Variants in GOLGA4 observed in about 807,000 individuals in gnomAD.
GOLGA4 encodes golgin A4.
A neutral mutation model predicts 265.9 loss-of-function variants in GOLGA4; 169 were observed. The observed-to-expected ratio is 0.64, with a 90% CI of 0.56 to 0.72. The LOEUF is 0.72. Among genes scored for constraint, GOLGA4 ranks in the 30% least tolerant of loss-of-function variants. The probability of loss-of-function intolerance (pLI) is 0.00; values close to 1 mark genes in which losing one functional copy is unlikely to be tolerated. For missense variants in GOLGA4, 2,482 were observed against 2,483.4 expected (o/e 1.00, Z 0.01); for synonymous variants, 923 against 855.8 (o/e 1.08, Z -1.37).
Position 37,328,632 on chromosome 3 carries a change from A to G in GOLGA4, c.6061+95A>G, listed in dbSNP as rs113881878. On this transcript the variant is annotated intron_variant, in intron 15 of 23. Coordinates refer to ENST00000361924, the MANE Select transcript of GOLGA4 (RefSeq NM_002078.5). ...GCAGTGGTGGTAAGTGCATTAAGTCATTAAACTGGGGAAGAAATAATCCTT... is the reference window on the plus strand; with the variant it reads ...GCAGTGGTGGTAAGTGCATTAAGTCGTTAAACTGGGGAAGAAATAATCCTT... 852 of 1,121,022 alleles carry G rather than the reference A, an allele frequency of 7.6e-4. 5 individuals are homozygous for G. The African/African-American group carries it at 0.012, about 16-fold the overall frequency. The allele number at this position is 1,121,022 out of a possible 1,614,324, so 69.4% of individuals were successfully genotyped here. A position where few individuals can be genotyped will look rare whatever the true frequency, so the allele number is the denominator to read the frequency against.
At chr3:37,273,682 C>G (rs2096805159) in intron 2 of GOLGA4, 2 of 749,310 alleles carry the variant, frequency 2.7e-6, no homozygotes, top group South Asian at 1.5e-5. Context: ...TAGCATCTGA[C>G]TTTACATTGA....
chr3:37,321,795 T>C lies in GOLGA4; in HGVS notation c.1610T>C (p.Leu537Pro), dbSNP rs1578684471. Residue 537 changes from leucine (L) to proline (P), a missense_variant, in exon 13 of 24, where the codon CTA becomes CCA. Leu to Pro is a moderately conservative substitution (Grantham distance 98, BLOSUM62 -3). Transcript: ENST00000361924. Reference protein sequence around the residue: ...QEKEQQESLALEELELQKKAI... With the variant: ...QEKEQQESLAPEELELQKKAI... ...AAAGAACAGCAAGAATCTTTGGCCCTAGAAGAGTTAGAGTTGCAGAAAAAA... is the reference window on the plus strand; with the variant it reads ...AAAGAACAGCAAGAATCTTTGGCCCCAGAAGAGTTAGAGTTGCAGAAAAAA... 2 of 1,612,942 alleles carry C rather than the reference T, an allele frequency of 1.2e-6. No individual in the cohort carries two copies. The highest frequency in any genetic ancestry group is 1.3e-5 in the African/African-American group (1 of 74,990).
chr3:37,279,907 CAA>C (rs745389415), intron 2 of GOLGA4, among the ~76,000 whole-genome samples: 5 of 135,754 alleles, frequency 3.7e-5, no homozygotes, highest in Admixed American at 7.5e-5. Context: ...ACTATTGTCT[CAA>C]AAAAAAAAAA....
intron 21 of GOLGA4, among the ~76,000 whole-genome samples, chr3:37,349,361 A>G (rs1224530891): frequency 6.6e-6 from 1 of 152,184 alleles, no homozygotes; most frequent in African/African-American, 2.4e-5. Context: ...GAGAAGATCA[A>G]GGAGAACATC....
chr3:37,282,932 C>T (rs2096838716), intron 3 of GOLGA4, among the ~76,000 whole-genome samples: 1 of 152,128 alleles, frequency 6.6e-6, no homozygotes, highest in South Asian at 2.1e-4. Context: ...CCTCTGCATC[C>T]TATGCAGTTA....
At chr3:37,360,273 A>T (rs997320073) in intron 22 of GOLGA4, among the ~76,000 whole-genome samples, 7 of 152,154 alleles carry the variant, frequency 4.6e-5, no homozygotes, top group African/African-American at 1.4e-4. Flanking sequence ...GATGTCCTAC[A>T]GTTTAGTTCA....
At chr3:37,276,527 C>T (rs1431174174) in intron 2 of GOLGA4, 12 of 1,603,918 alleles carry the variant, frequency 7.5e-6, no homozygotes, top group South Asian at 3.3e-5. Context: ...GGTACAAACC[C>T]GTAGTGCTGA....
chr3:37,310,873 C>T (rs2150910008), intron 10 of GOLGA4, among the ~76,000 whole-genome samples: 1 of 152,230 alleles, frequency 6.6e-6, no homozygotes, highest in Middle Eastern at 3.4e-3. Context: ...TTTTCCCATG[C>T]ACTCTTGCAT....
chr3:37,278,226 T>TTCTC, intron 2 of GOLGA4, among the ~76,000 whole-genome samples: 1 of 151,332 alleles, frequency 6.6e-6, no homozygotes, highest in South Asian at 2.1e-4. Flanking sequence ...TGAGACAGAG[T>TTCTC]TTTGCTCTTT....
At chr3:37,337,053 CT>C in intron 17 of GOLGA4, 89 bp from the exon 18 acceptor site, 4 of 870,680 alleles carry the variant, frequency 4.6e-6, no homozygotes, top group Non-Finnish European at 5.5e-6. Context: ...CCCTGACTTC[CT>C]TTTTCCTTAT....
At chr3:37,271,947 A>G (rs1290516735) in intron 2 of GOLGA4, among the ~76,000 whole-genome samples, 1 of 152,198 alleles carries the variant, frequency 6.6e-6, no homozygotes, top group Non-Finnish European at 1.5e-5. Flanking sequence ...AGAACTGTGC[A>G]TACGGGGGAT....
intron 13 of GOLGA4, among the ~76,000 whole-genome samples, chr3:37,322,164 C>T (rs967974218): frequency 6.6e-6 from 1 of 152,132 alleles, no homozygotes; most frequent in Non-Finnish European, 1.5e-5. Context: ...CCATTGCATA[C>T]TCACCCTTGA....
intron 10 of GOLGA4, among the ~76,000 whole-genome samples, chr3:37,312,391 A>G (rs2096925477): frequency 6.6e-6 from 1 of 152,188 alleles, no homozygotes. Context: ...TATTTTCTGT[A>G]TGCTTAACGT....
chr3:37,349,367 ACAT>A (rs1301257951), intron 21 of GOLGA4, among the ~76,000 whole-genome samples: 1 of 152,176 alleles, frequency 6.6e-6, no homozygotes, highest in Admixed American at 6.5e-5. Context: ...ATCAAGGAGA[ACAT>A]CATGGAGGAG....
chr3:37,352,076 T>G (rs2097076325), intron 21 of GOLGA4, among the ~76,000 whole-genome samples: 1 of 152,104 alleles, frequency 6.6e-6, no homozygotes, highest in Admixed American at 6.6e-5. Flanking sequence ...GTAAACATCT[T>G]CATCAGTTTT....
At position 37,311,473 on chromosome 3, in the gene GOLGA4, C is replaced by T. The variant is rs138173862; in HGVS notation, c.1235-3947C>T. ...AGAAACATTATTGCCCAATGGAGCT[C>T]GATCCATTTCAGCATTCTTAGTTTT... is the stretch of plus-strand genomic sequence containing the variant. On this transcript the variant is annotated intron_variant, in intron 10 of 23. Transcript: ENST00000361924. Among the ~76,000 whole-genome samples, 232 of 152,208 alleles carry T rather than the reference C, an allele frequency of 1.5e-3. 2 individuals are homozygous for T. In the Middle Eastern group the frequency reaches 0.017, roughly 11 times the overall value.
At chr3:37,297,227 T>C (rs887536532) in intron 7 of GOLGA4, among the ~76,000 whole-genome samples, 9 of 152,244 alleles carry the variant, frequency 5.9e-5, no homozygotes, top group African/African-American at 2.2e-4. Context: ...TTTTATTTCC[T>C]AGCTTTTTCT....
chr3:37,343,116 T>G (rs185476633), intron 20 of GOLGA4, among the ~76,000 whole-genome samples: 44 of 151,018 alleles, frequency 2.9e-4, no homozygotes, highest in African/African-American at 1.0e-3. Flanking sequence ...CTGGGTTTTT[T>G]GTTTGTTTGT....
rs534460745 is a variant in GOLGA4, at chr3:37,325,103, G to A, written c.3217G>A (p.Val1073Ile). 4 of 1,612,404 alleles carry A rather than the reference G, an allele frequency of 2.5e-6. No individual in the cohort carries two copies. The highest frequency in any genetic ancestry group is 1.3e-5 in the African/African-American group (1 of 74,988). Reference protein sequence around the residue: ...EIQLQEKEQEVAELKQKILLF... With the variant: ...EIQLQEKEQEIAELKQKILLF... ...CCAATTACAGGAAAAAGAACAAGAG[G>A]TAGCAGAACTGAAACAAAAGATCCT... is the stretch of plus-strand genomic sequence containing the variant. Residue 1073 changes from valine (V) to isoleucine (I), a missense_variant, in exon 14 of 24, where the codon GTA becomes ATA. Coordinates refer to ENST00000361924, the MANE Select transcript of GOLGA4 (RefSeq NM_002078.5).
Sources: gnomAD v4.1 joint callset for allele counts (sites outside exome capture counted in the v4.1 genomes callset) on GRCh38, gnomAD v4.1.1 for gene constraint, MANE v1.5 for transcripts, NCBI Gene and HGNC (gene_info 2026-07-23, HGNC 2026-07-21) for gene names.